CAMSAP2: variants seen among roughly 807,000 people sequenced by gnomAD.
CAMSAP2 encodes calmodulin-regulated spectrin-associated protein 2.
CAMSAP2 carries 26 observed loss-of-function variants against 146.1 expected under a neutral mutation model. The observed-to-expected ratio is 0.18, with a 90% confidence interval of 0.13 to 0.25. The LOEUF is 0.25. CAMSAP2 is among the 10% of genes least tolerant of loss of function. The pLI, the probability that CAMSAP2 is intolerant of heterozygous loss-of-function variation, is 1.00. For missense variants in CAMSAP2, 1,381 were observed against 1,759.3 expected (o/e 0.78, Z 3.85); for synonymous variants, 499 against 596.6 (o/e 0.84, Z 2.38).
chr1:200,829,079 A>G (rs1224087625), intron 4 of CAMSAP2, among the ~76,000 whole-genome samples: 1 of 152,022 alleles, frequency 6.6e-6, no homozygotes, highest in Non-Finnish European at 1.5e-5. Context: ...CGCTTGAACC[A>G]GGGAGGCAGA....
At chr1:200,822,139 T>TACACACAC (rs150135269) in intron 4 of CAMSAP2, among the ~76,000 whole-genome samples, 3 of 146,338 alleles carry the variant, frequency 2.1e-5, no homozygotes, top group Non-Finnish European at 3.0e-5. Context: ...TCTCTCGCTC[T>TACACACAC]ACACACACAC....
At chr1:200,772,538 G>C (rs1029416558) in intron 2 of CAMSAP2, among the ~76,000 whole-genome samples, 2 of 152,172 alleles carry the variant, frequency 1.3e-5, no homozygotes, top group African/African-American at 4.8e-5. Flanking sequence ...GAACCCAGGA[G>C]GCAGAGGTTG....
intron 1 of CAMSAP2, among the ~76,000 whole-genome samples, chr1:200,748,382 C>G (rs1474069998): frequency 6.6e-6 from 1 of 152,202 alleles, no homozygotes; most frequent in East Asian, 1.9e-4. Context: ...TCACAGAATT[C>G]CATATCATCA....
At chr1:200,775,662 T>C (rs932911758) in intron 2 of CAMSAP2, among the ~76,000 whole-genome samples, 6 of 152,100 alleles carry the variant, frequency 3.9e-5, no homozygotes, top group Non-Finnish European at 8.8e-5. Context: ...CCCAAGTAGC[T>C]GGGACTACAG....
In CAMSAP2 at chr1:200,791,200, T is replaced by C. The variant is rs1026156100; in HGVS notation, c.400-16176T>C. On this transcript the variant is annotated intron_variant, in intron 2 of 16. Coordinates refer to ENST00000358823, the MANE Select transcript of CAMSAP2 (RefSeq NM_203459.4). ...TGAGTAAGATGCATTCTGTGTCTTA[T>C]GGCTTGCATTGTTTCTGAGAGAAGT... 2.0e-5 allele frequency among the ~76,000 whole-genome samples: 3 copies of C among 152,384 alleles called. No individual in the cohort carries two copies. The East Asian group carries it at 5.8e-4, about 29-fold the overall frequency.
Position 200,840,669 on chromosome 1 carries a change from G to T in CAMSAP2, c.928-1325G>T, listed in dbSNP as rs192709443. On this transcript the variant is annotated intron_variant, in intron 6 of 16. Transcript: ENST00000358823. ...ATATGAGAAAACCAAGAGAACGCAT[G>T]AGTTCTAGTGGAGAGCATATAGAGT... 2.6e-5 allele frequency among the ~76,000 whole-genome samples: 4 copies of T among 152,320 alleles called. No homozygotes were observed. The East Asian group carries it at 5.8e-4, about 22-fold the overall frequency.
rs767770528 is a variant in CAMSAP2 at position 200,847,611 on chromosome 1, C to A, written c.1193-29C>A. Reference sequence around the variant, plus strand: ...ATAAGTTAATTTTTTTACATGATTTCAATGGCTTTTTCTTTTTTGCATTTG... The same window carrying A: ...ATAAGTTAATTTTTTTACATGATTTAAATGGCTTTTTCTTTTTTGCATTTG... On this transcript the variant is annotated intron_variant, in intron 9 of 16. Coordinates refer to ENST00000358823, the MANE Select transcript of CAMSAP2 (RefSeq NM_203459.4). The A allele has an allele frequency of 1.9e-6, 3 of 1,572,040 alleles. No individual in the cohort carries two copies. In the South Asian group the frequency reaches 3.4e-5, roughly 18 times the overall value.
chr1:200,832,061 G>GA lies in CAMSAP2; in HGVS notation c.646-132dup, dbSNP rs1405192473. 13 of 691,392 alleles carry GA rather than the reference G, an allele frequency of 1.9e-5. No homozygotes were observed. The South Asian group carries it at 2.5e-4, about 13-fold the overall frequency. 42.8% of individuals were successfully genotyped at this position (691,392 alleles called of 1,614,324 possible). On this transcript the variant is annotated intron_variant, in intron 4 of 16. Transcript: ENST00000358823. The surrounding 1 kb of genome is among the most constrained non-coding windows in gnomAD (Gnocchi z 4.2). ...CTTTGGTAATACCTAGCGTTATTTAGAAAAAAAGAAATATTGGTGAGTGGT... is the reference window on the plus strand; with the variant it reads ...CTTTGGTAATACCTAGCGTTATTTAGAAAAAAAAGAAATATTGGTGAGTGGT...
At chr1:200,822,739 G>T (rs1475972002) in intron 4 of CAMSAP2, among the ~76,000 whole-genome samples, 4 of 152,180 alleles carry the variant, frequency 2.6e-5, no homozygotes, top group Non-Finnish European at 5.9e-5. Context: ...TCTACACTTT[G>T]TTTTTTCCTA....
Position 200,832,947 on chromosome 1 carries a change from G to A in CAMSAP2, c.927+102G>A. ...ACAGTGGCTCATGCCTGTAATCCCA[G>A]TACTTTGGGAGGACAAGGTGGGAGG... On this transcript the variant is annotated intron_variant, in intron 6 of 16. Transcript: ENST00000358823. This position sits in a 1 kb window ranked among gnomAD's most constrained non-coding sequence, Gnocchi z 4.2. 1 of 1,034,692 alleles carries A rather than the reference G, an allele frequency of 9.7e-7. No homozygotes were observed. The highest frequency in any genetic ancestry group is 1.3e-6 in the Non-Finnish European group (1 of 753,996). The allele number at this position is 1,034,692 out of a possible 1,614,324, so 64.1% of individuals were successfully genotyped here.
intron 4 of CAMSAP2, among the ~76,000 whole-genome samples, chr1:200,823,555 G>A (rs772647712): frequency 9.9e-5 from 15 of 152,156 alleles, no homozygotes; most frequent in Admixed American, 6.5e-5. Context: ...TATTTCTCAT[G>A]GTTAGACTGG....
intron 6 of CAMSAP2, among the ~76,000 whole-genome samples, chr1:200,833,600 T>C (rs965445627): frequency 5.9e-5 from 9 of 152,164 alleles, no homozygotes; most frequent in Non-Finnish European, 1.3e-4. Flanking sequence ...ATTGATCTAT[T>C]GTCTTAATGT....
intron 8 of CAMSAP2, among the ~76,000 whole-genome samples, chr1:200,845,070 T>G (rs1667424513): frequency 6.6e-6 from 1 of 152,206 alleles, no homozygotes; most frequent in Non-Finnish European, 1.5e-5. Flanking sequence ...TGTACCACAC[T>G]GAAAAGATGG....
intron 2 of CAMSAP2, among the ~76,000 whole-genome samples, chr1:200,783,088 C>A (rs1209438808): frequency 6.6e-6 from 1 of 151,874 alleles, no homozygotes; most frequent in Non-Finnish European, 1.5e-5. Flanking sequence ...TCTTGGTGGG[C>A]CATATGTATG....
chr1:200,779,203 T>C (rs1665366875), intron 2 of CAMSAP2, among the ~76,000 whole-genome samples: 1 of 152,198 alleles, frequency 6.6e-6, no homozygotes, highest in African/African-American at 2.4e-5. Context: ...TACCACAATT[T>C]ATTTGCCCCA....
chr1:200,813,345 T>A lies in CAMSAP2; in HGVS notation c.562-2216T>A, dbSNP rs543586284. Among the ~76,000 whole-genome samples the A allele has an allele frequency of 7.7e-4, 117 of 152,384 alleles. No individual in the cohort carries two copies. The South Asian group carries it at 0.023, about 30-fold the overall frequency. ...CACATTGGGGATTAAGTTTCAAATA[T>A]GAACTCTGGGGGGCAAACATTTAGA... On this transcript the variant is annotated intron_variant, in intron 3 of 16. Transcript: ENST00000358823.
At chr1:200,806,075 A>G (rs1475091270) in intron 2 of CAMSAP2, among the ~76,000 whole-genome samples, 1 of 152,220 alleles carries the variant, frequency 6.6e-6, no homozygotes, top group Non-Finnish European at 1.5e-5. Context: ...CTCCAAAGCC[A>G]TAAAGGAAAA....
chr1:200,817,241 TA>T, intron 4 of CAMSAP2, among the ~76,000 whole-genome samples: 1 of 10,622 alleles, frequency 9.4e-5, no homozygotes, highest in Non-Finnish European at 1.6e-4. Context: ...TATACACACA[TA>T]CACACATATG....
chr1:200,854,796 G>T lies in CAMSAP2; in HGVS notation c.3824-21G>T, dbSNP rs765888815. The stretch of plus-strand genomic sequence containing the variant: ...TGATTTTGTTTTTATTCAGGATCAT[G>T]AATTTATCGTGTTTTTTCAGTCTCT... On this transcript the variant is annotated intron_variant, in intron 13 of 16. Transcript: ENST00000358823. The T allele has an allele frequency of 1.9e-6, 3 of 1,596,802 alleles. No homozygotes were observed. In the East Asian group the frequency reaches 6.7e-5, roughly 36 times the overall value.
Sources: gnomAD v4.1 joint callset for allele counts (sites outside exome capture counted in the v4.1 genomes callset) on GRCh38, gnomAD v4.1.1 for gene constraint, Gnocchi (gnomAD v3.1) non-coding constraint, MANE v1.5 for transcripts, NCBI Gene and HGNC (gene_info 2026-07-23, HGNC 2026-07-21) for gene names.